Variants in RABGAP1L observed in about 807,000 individuals in gnomAD.
RABGAP1L encodes the protein RAB GTPase activating protein 1 like.
In RABGAP1L, 63 loss-of-function variants were observed where a neutral mutation model predicts 137.7. The observed-to-expected ratio is 0.46, with a 90% confidence interval of 0.37 to 0.56. The LOEUF (loss-of-function observed/expected upper bound fraction) is 0.56, where lower values mean the gene tolerates loss of function less well. RABGAP1L is among the 20% of genes least tolerant of loss of function. The pLI is 0.00. For synonymous variants in RABGAP1L, 431 were observed against 433.7 expected (o/e 0.99, Z 0.08); for missense variants, 1,095 against 1,244.0 (o/e 0.88, Z 1.80).
chr1:174,883,055 C>A (rs1031360781), intron 19 of RABGAP1L, among the ~76,000 whole-genome samples: 24 of 152,124 alleles, frequency 1.6e-4, no homozygotes, highest in Non-Finnish European at 3.2e-4. Flanking sequence ...AACTCCTGAC[C>A]TCAGGTGATC....
At chr1:174,947,453 T>G (rs983488330) in intron 19 of RABGAP1L, among the ~76,000 whole-genome samples, 1 of 152,018 alleles carries the variant, frequency 6.6e-6, no homozygotes, top group African/African-American at 2.4e-5. Context: ...GTTTCGCTCC[T>G]GTCACCCAGG....
chr1:174,468,325 T>A (rs1357204785), intron 13 of RABGAP1L, among the ~76,000 whole-genome samples: 1 of 152,126 alleles, frequency 6.6e-6, no homozygotes, highest in Non-Finnish European at 1.5e-5. Flanking sequence ...GAGGGATTGT[T>A]ATGGCTTATA....
At chr1:174,453,204 G>A (rs1014297186) in intron 13 of RABGAP1L, among the ~76,000 whole-genome samples, 1 of 152,112 alleles carries the variant, frequency 6.6e-6, no homozygotes, top group Admixed American at 6.5e-5. Flanking sequence ...ATTCTCGTTA[G>A]GGAAGTAATA....
At position 174,990,042 on chromosome 1, in the gene RABGAP1L, A is replaced by C. The variant is rs544915418; in HGVS notation, c.*41A>C. ...AGCACAAGAGCACAATGTTCAAACC[A>C]ATGGAAATCTGGGAGGATTCTTCCT... On this transcript the variant is annotated 3_prime_UTR_variant, in exon 26 of 26. Transcript: ENST00000681986. The C allele has an allele frequency of 5.3e-4, 781 of 1,470,852 alleles. 1 individual carries two copies. The highest frequency in any genetic ancestry group is 6.6e-4 in the Non-Finnish European group (715 of 1,084,454). 91.1% of individuals were successfully genotyped at this position (1,470,852 alleles called of 1,614,324 possible).
At chr1:174,759,367 G>A (rs775276686) in intron 18 of RABGAP1L, among the ~76,000 whole-genome samples, 17 of 151,718 alleles carry the variant, frequency 1.1e-4, no homozygotes, top group Non-Finnish European at 1.9e-4. Context: ...GGCCAAGGTG[G>A]GCGGATCACT....
chr1:174,437,319 GA>G lies in RABGAP1L; in HGVS notation c.1710+43182del, dbSNP rs1332326401. Among the ~76,000 whole-genome samples, 7 of 150,214 alleles carry G rather than the reference GA, an allele frequency of 4.7e-5. No homozygotes were observed. In the East Asian group the frequency reaches 1.2e-3, roughly 25 times the overall value. On this transcript the variant is annotated intron_variant, in intron 13 of 25. Transcript: ENST00000681986. ...CAATGGCAAAGAAGTTAAAAACTTT[GA>G]AAAAAAATTAGATGAATGGATAACT...
chr1:174,434,152 C>CACACACACACACACACACACT (rs1652994776), intron 13 of RABGAP1L, among the ~76,000 whole-genome samples: 1 of 145,968 alleles, frequency 6.9e-6, no homozygotes, highest in African/African-American at 2.5e-5. Context: ...CACACACACA[C>CACACACACACACACACACACT]CCTGCCTGGG....
intron 13 of RABGAP1L, among the ~76,000 whole-genome samples, chr1:174,456,397 C>T (rs2149269772): frequency 6.6e-6 from 1 of 152,100 alleles, no homozygotes; most frequent in East Asian, 1.9e-4. Context: ...CAAGTACCTA[C>T]TTTTGGAAAG....
At chr1:174,227,083 G>A (rs769733079) in intron 3 of RABGAP1L, among the ~76,000 whole-genome samples, 4 of 152,132 alleles carry the variant, frequency 2.6e-5, no homozygotes, top group Non-Finnish European at 2.9e-5. Flanking sequence ...AAAATCTGTG[G>A]AAGGTTTTTT....
intron 14 of RABGAP1L, among the ~76,000 whole-genome samples, chr1:174,657,661 A>G (rs1363696223): frequency 1.3e-5 from 2 of 152,118 alleles, no homozygotes; most frequent in African/African-American, 4.8e-5. Flanking sequence ...ACTTGGGTTG[A>G]TTTCTTATCT....
At chr1:174,341,763 T>A (rs1198915548) in intron 11 of RABGAP1L, among the ~76,000 whole-genome samples, 1 of 152,210 alleles carries the variant, frequency 6.6e-6, no homozygotes, top group African/African-American at 2.4e-5. Flanking sequence ...TCTTATGACC[T>A]GAAGATTTGT....
chr1:174,871,854 A>G (rs1314360140), intron 19 of RABGAP1L, among the ~76,000 whole-genome samples: 6 of 152,252 alleles, frequency 3.9e-5, no homozygotes, highest in South Asian at 2.1e-4. Context: ...TCAGGTAAGT[A>G]TGAAACTCTT....
At chr1:174,816,840 C>T (rs1461278966) in intron 19 of RABGAP1L, among the ~76,000 whole-genome samples, 3 of 151,598 alleles carry the variant, frequency 2.0e-5, no homozygotes, top group African/African-American at 7.3e-5. Flanking sequence ...CAAGCAGTTC[C>T]CCTGCCCAGC....
intron 1 of RABGAP1L, among the ~76,000 whole-genome samples, chr1:174,195,649 CTTCCT>C (rs1427263892): frequency 1.4e-3 from 158 of 116,214 alleles, no homozygotes; most frequent in Non-Finnish European, 1.6e-3. Flanking sequence ...TCCTTCCTTC[CTTCCT>C]TTCCTTTCCT....
intron 18 of RABGAP1L, among the ~76,000 whole-genome samples, 157 bp downstream of exon 18, chr1:174,752,511 C>T (rs1558045652): frequency 6.6e-6 from 1 of 152,104 alleles, no homozygotes; most frequent in Non-Finnish European, 1.5e-5. Flanking sequence ...TCCCTCCTCT[C>T]ATCTTTTTCT....
intron 11 of RABGAP1L, among the ~76,000 whole-genome samples, chr1:174,331,437 C>G (rs1681019945): frequency 6.6e-6 from 1 of 152,080 alleles, no homozygotes; most frequent in South Asian, 2.1e-4. Flanking sequence ...CATTCAATAG[C>G]AAAAAACCCC....
chr1:174,740,083 A>G (rs1275133647), intron 17 of RABGAP1L, among the ~76,000 whole-genome samples: 2 of 151,982 alleles, frequency 1.3e-5, no homozygotes, highest in Admixed American at 6.6e-5. Flanking sequence ...TGATAGGGGG[A>G]AAAGGTAGAG....
chr1:174,545,934 A>T (rs1280800826), intron 13 of RABGAP1L: 1 of 152,178 alleles, frequency 6.6e-6, no homozygotes, highest in Non-Finnish European at 1.5e-5. Flanking sequence ...TCTCTTTTTC[A>T]CACATGTTGC....
chr1:174,616,099 C>A (rs1410240474), intron 13 of RABGAP1L, among the ~76,000 whole-genome samples: 3 of 152,236 alleles, frequency 2.0e-5, no homozygotes, highest in Admixed American at 2.0e-4. Context: ...CCTGTGCCCA[C>A]TGTCTGGCAC....
Sources: gnomAD v4.1 joint callset for allele counts (sites outside exome capture counted in the v4.1 genomes callset) on GRCh38, gnomAD v4.1.1 for gene constraint, MANE v1.5 for transcripts, NCBI Gene and HGNC (gene_info 2026-07-23, HGNC 2026-07-21) for gene names.